Variants in RAPGEF1 observed in about 807,000 individuals in gnomAD.
The protein encoded by RAPGEF1 is CRK SH3-binding GNRP.
In RAPGEF1, 33 loss-of-function variants were observed where a neutral mutation model predicts 143.3. The ratio of observed to expected loss-of-function variants is 0.23; its 90% confidence interval spans 0.17 to 0.31. RAPGEF1 has a LOEUF of 0.31. Among genes scored for constraint, RAPGEF1 ranks in the 10% least tolerant of loss-of-function variants. RAPGEF1 has a pLI of 1.00. For synonymous variants in RAPGEF1, 629 were observed against 676.5 expected, an observed-to-expected ratio of 0.93 and a Z score of 1.09; for missense variants, 1,199 against 1,645.4, an observed-to-expected ratio of 0.73 and a Z score of 4.69.
At chr9:131,709,925 A>C (rs1835387935) in intron 1 of RAPGEF1, 1 of 985,310 alleles carries the variant, frequency 1.0e-6, no homozygotes, top group South Asian at 4.7e-5. Flanking sequence ...TTATCGCCCT[A>C]CCGGTGCCTC....
At chr9:131,728,673 C>T (rs1265102778) in intron 1 of RAPGEF1, among the ~76,000 whole-genome samples, 1 of 152,206 alleles carries the variant, frequency 6.6e-6, no homozygotes, top group Non-Finnish European at 1.5e-5. Flanking sequence ...AAAGAACAAA[C>T]CAGCCTAAAA....
At chr9:131,638,191 C>T (rs7047157) in intron 5 of RAPGEF1, among the ~76,000 whole-genome samples, 131,176 of 152,318 alleles carry the variant, frequency 0.86, 56,682 homozygotes, top group African/African-American at 0.92. Flanking sequence ...GACCACATCA[C>T]GGATATCAAG....
At chr9:131,733,173 C>T (rs1172809277) in intron 1 of RAPGEF1, among the ~76,000 whole-genome samples, 3 of 151,996 alleles carry the variant, frequency 2.0e-5, no homozygotes, top group African/African-American at 7.3e-5. Context: ...AAGAGGCTTC[C>T]CCATTAGTGG....
intron 12 of RAPGEF1, among the ~76,000 whole-genome samples, chr9:131,612,256 C>T (rs533567802): frequency 3.9e-5 from 6 of 152,312 alleles, no homozygotes; most frequent in African/African-American, 1.2e-4. Context: ...CCTGACTGAA[C>T]TCCCACATGA....
At chr9:131,685,360 A>T (rs1010205682) in intron 1 of RAPGEF1, among the ~76,000 whole-genome samples, 22 of 152,210 alleles carry the variant, frequency 1.4e-4, no homozygotes, top group Non-Finnish European at 8.8e-5. Context: ...GGCCATAAAC[A>T]ATCTCTGCAG....
Position 131,739,880 on chromosome 9 carries a change from C to G in RAPGEF1, c.-50G>C. On this transcript the variant is annotated 5_prime_UTR_variant, in exon 1 of 27. Coordinates refer to ENST00000683357, the MANE Select transcript of RAPGEF1 (RefSeq NM_001377935.1). ...GGCGACAGGGGCGGCGCGCCCGCCG[C>G]TCGCCTCGGCCCTGGCTCGCCACGC... is the stretch of plus-strand genomic sequence containing the variant. 1.0e-6 allele frequency: 1 copy of G among 975,934 alleles called. No homozygotes were observed. The highest frequency in any genetic ancestry group is 4.6e-5 in the South Asian group (1 of 21,766). The allele number at this position is 975,934 out of a possible 1,614,324, so 60.5% of individuals were successfully genotyped here.
At chr9:131,612,554 C>A (rs1348717574) in intron 12 of RAPGEF1, among the ~76,000 whole-genome samples, 2 of 152,156 alleles carry the variant, frequency 1.3e-5, no homozygotes, top group Non-Finnish European at 2.9e-5. Context: ...TAAGGCAAGG[C>A]AGGCTCGCTC....
intron 1 of RAPGEF1, among the ~76,000 whole-genome samples, chr9:131,723,867 AGT>A (rs1836446994): frequency 6.6e-6 from 1 of 152,202 alleles, no homozygotes; most frequent in Non-Finnish European, 1.5e-5. Flanking sequence ...TGTTTTCCAC[AGT>A]GGCTGCACCA....
At chr9:131,627,565 T>C (rs1428086743) in intron 9 of RAPGEF1, among the ~76,000 whole-genome samples, 2 of 152,160 alleles carry the variant, frequency 1.3e-5, no homozygotes, top group Admixed American at 1.3e-4. Flanking sequence ...TCAGCCTCTG[T>C]CAAGTGTTGT....
chr9:131,665,604 G>A lies in RAPGEF1; in HGVS notation c.62-14655C>T, dbSNP rs376510107. Reference sequence around the variant, plus strand: ...CTCTGATGGCATCTATTCTCCCTCAGAGAGGCCCTGTGTGATTTGCACCCA... The same window carrying A: ...CTCTGATGGCATCTATTCTCCCTCAAAGAGGCCCTGTGTGATTTGCACCCA... On this transcript the variant is annotated intron_variant, in intron 1 of 26. Transcript: ENST00000683357. Among the ~76,000 whole-genome samples the A allele has an allele frequency of 1.2e-4, 18 of 152,168 alleles. No homozygotes were observed. The East Asian group carries it at 3.3e-3, about 28-fold the overall frequency.
chr9:131,688,576 C>A (rs1014628247), intron 1 of RAPGEF1, among the ~76,000 whole-genome samples: 1 of 152,170 alleles, frequency 6.6e-6, no homozygotes, highest in African/African-American at 2.4e-5. Context: ...AAGGGATCTG[C>A]CTCTCTGCAC....
chr9:131,685,790 C>T (rs963840069), intron 1 of RAPGEF1, among the ~76,000 whole-genome samples: 5 of 152,148 alleles, frequency 3.3e-5, no homozygotes, highest in Admixed American at 3.3e-4. Context: ...TTAGGGTCTC[C>T]CCGACCTAGC....
At position 131,667,443 on chromosome 9, in the gene RAPGEF1, T is replaced by C. The variant is rs912868286; in HGVS notation, c.62-16494A>G. Among the ~76,000 whole-genome samples, 3 of 152,104 alleles carry C rather than the reference T, an allele frequency of 2.0e-5. No individual in the cohort carries two copies. The highest frequency in any genetic ancestry group is 7.2e-5 in the African/African-American group (3 of 41,410). ...CACGGAGGTACTGCCCATTTCCTCC[T>C]CCACAGTACCTGGTACAGGGACAGA... On this transcript the variant is annotated intron_variant, in intron 1 of 26. Transcript: ENST00000683357. The surrounding 1 kb of genome is among the most constrained non-coding windows in gnomAD (Gnocchi z 4.6).
intron 20 of RAPGEF1, 122 bp from the exon 21 acceptor site, chr9:131,588,148 C>T: frequency 1.2e-6 from 1 of 859,080 alleles, no homozygotes; most frequent in Non-Finnish European, 1.8e-6. Flanking sequence ...AGCGTGGAGG[C>T]TACAGGGCGG....
At chr9:131,609,383 T>C (rs1020564308) in intron 12 of RAPGEF1, among the ~76,000 whole-genome samples, 3 of 152,090 alleles carry the variant, frequency 2.0e-5, no homozygotes, top group Non-Finnish European at 2.9e-5. Flanking sequence ...GATATCACAA[T>C]CAGTTCGTGT....
At chr9:131,587,890 C>T (rs1953442504) in intron 21 of RAPGEF1, 52 bp downstream of exon 21, 1 of 1,597,152 alleles carries the variant, frequency 6.3e-7, no homozygotes. Context: ...ATGGGGGTTT[C>T]TCTCATTCAG....
chr9:131,646,743 G>C (rs192183745), intron 3 of RAPGEF1, among the ~76,000 whole-genome samples: 1 of 152,292 alleles, frequency 6.6e-6, no homozygotes, highest in Non-Finnish European at 1.5e-5. Flanking sequence ...AGGGAGTGAG[G>C]GGGAGGGCAA....
At chr9:131,697,404 G>A (rs560858152) in intron 1 of RAPGEF1, among the ~76,000 whole-genome samples, 8 of 152,370 alleles carry the variant, frequency 5.3e-5, no homozygotes, top group Admixed American at 3.3e-4. Context: ...ACTCAGCACA[G>A]GACCTGCCTC....
intron 1 of RAPGEF1, among the ~76,000 whole-genome samples, chr9:131,673,948 C>T (rs949615640): frequency 2.6e-5 from 4 of 152,306 alleles, no homozygotes; most frequent in East Asian, 1.9e-4. Flanking sequence ...ATATGGAACT[C>T]GGAGAGCTAG....
Sources: allele counts gnomAD v4.1 joint callset (sites outside exome capture counted in the v4.1 genomes callset), GRCh38; gene constraint gnomAD v4.1.1; non-coding constraint Gnocchi (gnomAD v3.1); transcripts MANE v1.5; gene names NCBI Gene and HGNC (gene_info 2026-07-23, HGNC 2026-07-21).